Variants in XK observed in about 807,000 individuals in gnomAD.
XK encodes the protein X-linked Kx blood group antigen, Kell and VPS13A binding protein, also known as endoplasmic reticulum membrane adapter protein XK.
A neutral mutation model predicts 14.0 loss-of-function variants in XK; 2 were observed. The ratio of observed to expected loss-of-function variants is 0.14; its 90% CI spans 0.06 to 0.45. The LOEUF (loss-of-function observed/expected upper bound fraction) is 0.45. Ranked by LOEUF, XK falls within the 20% of genes least tolerant of loss-of-function variation. The pLI is 0.98. For missense variants in XK, 235 were observed against 341.5 expected, an observed-to-expected ratio of 0.69 and a Z score of 2.46; for synonymous variants, 149 against 147.5, an observed-to-expected ratio of 1.01 and a Z score of -0.08.
chrX:37,727,997 C>T lies in XK; in HGVS notation c.870C>T (p.Ile290=). 1.7e-6 allele frequency: 2 copies of T among 1,211,415 alleles called. No individual in the cohort carries two copies. The highest frequency in any genetic ancestry group is 2.2e-6 in the Non-Finnish European group (2 of 895,401). Residue 290 remains isoleucine (I), a synonymous_variant, in exon 3 of 3, where the codon ATC becomes ATT. Transcript: ENST00000378616. ...LCFLTLLYTG[I]NMFCWSAVQL... ...TTCTAACTTTACTCTATACTGGTAT[C>T]AACATGTTCTGCTGGTCTGCTGTAC... is the stretch of plus-strand genomic sequence containing the variant.
intron 2 of XK, among the ~76,000 whole-genome samples, chrX:37,706,208 G>A (rs965358229): frequency 4.5e-5 from 5 of 111,369 alleles, no homozygotes; most frequent in Non-Finnish European, 9.4e-5. Flanking sequence ...GAAGATTTGA[G>A]AATTAAGTTA....
chrX:37,708,369 G>A (rs1458803454), intron 2 of XK, among the ~76,000 whole-genome samples: 3 of 112,014 alleles, frequency 2.7e-5, no homozygotes, highest in African/African-American at 9.8e-5. Context: ...GCCAAGGAAT[G>A]CAGTTGTAGA....
intron 2 of XK, among the ~76,000 whole-genome samples, chrX:37,714,234 C>G (rs1333939744): frequency 9.0e-6 from 1 of 111,636 alleles, no homozygotes; most frequent in Non-Finnish European, 1.9e-5. Context: ...CCACCAGCCT[C>G]TGCTTGATTA....
chrX:37,701,349 T>C (rs1285790481), intron 2 of XK, among the ~76,000 whole-genome samples: 1 of 112,731 alleles, frequency 8.9e-6, no homozygotes, highest in Non-Finnish European at 1.9e-5. Flanking sequence ...TGTACTGTAC[T>C]TTTAAAAACT....
intron 2 of XK, among the ~76,000 whole-genome samples, chrX:37,722,259 C>T (rs564535599): frequency 6.3e-5 from 7 of 111,499 alleles, no homozygotes; most frequent in African/African-American, 1.9e-4. Flanking sequence ...GCATCTATCA[C>T]GTCTTCAACA....
Position 37,718,043 on chromosome X carries a change from T to C in XK, c.509-9593T>C, listed in dbSNP as rs1178328479. On this transcript the variant is annotated intron_variant, in intron 2 of 2. Coordinates refer to ENST00000378616, the MANE Select transcript of XK (RefSeq NM_021083.4). ...ACATTTATCGAGTGCCTACTAAGTA[T>C]AGTAATAGTGTACCTAGTTTTTTCA... Among the ~76,000 whole-genome samples the C allele has an allele frequency of 5.4e-5, 6 of 111,862 alleles. No homozygotes were observed. In the East Asian group the frequency reaches 1.7e-3, roughly 31 times the overall value.
intron 2 of XK, among the ~76,000 whole-genome samples, chrX:37,696,207 T>C (rs1556442425): frequency 9.8e-5 from 11 of 112,670 alleles, no homozygotes; most frequent in Non-Finnish European, 2.1e-4. Flanking sequence ...TGTCTGTGAC[T>C]GTTTTGGGAC....
At position 37,729,362 on chromosome X, in the gene XK, G is replaced by A. The variant is rs1928043360; in HGVS notation, c.*900G>A. 9.0e-6 allele frequency: 1 copy of A among 111,709 alleles called. No individual in the cohort carries two copies. The highest frequency in any genetic ancestry group is 1.9e-5 in the Non-Finnish European group (1 of 53,092). 9.2% of individuals were successfully genotyped at this position (111,709 alleles called of 1,213,427 possible). On this transcript the variant is annotated 3_prime_UTR_variant, in exon 3 of 3. Coordinates refer to ENST00000378616, the MANE Select transcript of XK (RefSeq NM_021083.4). ...CAGAAATCTCTCACCCAGTTCAGGT[G>A]TATAGGGAATTTTCATTTTCATTAT...
chrX:37,695,193 A>T (rs782630445), intron 2 of XK, among the ~76,000 whole-genome samples: 9 of 112,190 alleles, frequency 8.0e-5, no homozygotes, highest in Non-Finnish European at 1.7e-4. Context: ...TAGAAAATAC[A>T]GTTTACCAGA....
chrX:37,689,404 C>A (rs1172563540), intron 1 of XK, among the ~76,000 whole-genome samples: 6 of 112,371 alleles, frequency 5.3e-5, no homozygotes, highest in African/African-American at 1.9e-4. Flanking sequence ...AAAGGAGAGG[C>A]ATGGTGATTC....
chrX:37,694,954 G>A (rs1927281001), intron 2 of XK, among the ~76,000 whole-genome samples: 1 of 112,154 alleles, frequency 8.9e-6, no homozygotes, highest in African/African-American at 3.2e-5. Context: ...GCTTCCAAGG[G>A]TGAGTGTTCT....
In XK at chrX:37,713,432, TC is replaced by T. The variant is rs1396540702; in HGVS notation, c.509-14203del. ...TATTAGGAGTCACATGATCTCAGAT[TC>T]AAGAAGAGAAGATATAGACCCTACT... On this transcript the variant is annotated intron_variant, in intron 2 of 2. Transcript: ENST00000378616. Among the ~76,000 whole-genome samples, 4 of 111,529 alleles carry T rather than the reference TC, an allele frequency of 3.6e-5. No homozygotes were observed. The Admixed American group carries it at 3.8e-4, about 11-fold the overall frequency.
At chrX:37,705,146 C>T (rs1223516164) in intron 2 of XK, among the ~76,000 whole-genome samples, 1 of 111,374 alleles carries the variant, frequency 9.0e-6, no homozygotes, top group Non-Finnish European at 1.9e-5. Context: ...GAAGATGCTT[C>T]ATAAAACTTA....
intron 2 of XK, 58 bp downstream of exon 2, chrX:37,694,606 G>A (rs1280956835): frequency 3.4e-6 from 4 of 1,161,892 alleles, no homozygotes; most frequent in Non-Finnish European, 4.6e-6. Context: ...AGCAAAATAT[G>A]CAGTTTATTT....
intron 2 of XK, among the ~76,000 whole-genome samples, chrX:37,707,570 G>A (rs1482940131): frequency 1.8e-5 from 2 of 110,090 alleles, no homozygotes; most frequent in Middle Eastern, 4.2e-3. Flanking sequence ...CTTCTCAGAC[G>A]GGGCGGCCGG....
chrX:37,725,146 C>T (rs782000322), intron 2 of XK, among the ~76,000 whole-genome samples: 1 of 110,970 alleles, frequency 9.0e-6, no homozygotes, highest in Non-Finnish European at 1.9e-5. Flanking sequence ...ACCAGAGAAT[C>T]GAATGGTAGT....
intron 2 of XK, among the ~76,000 whole-genome samples, chrX:37,715,782 T>C (rs1927754778): frequency 9.0e-6 from 1 of 111,487 alleles, no homozygotes; most frequent in Non-Finnish European, 1.9e-5. Flanking sequence ...GTCCATATGA[T>C]TGTGTAATGG....
chrX:37,714,299 C>A (rs782765434), intron 2 of XK, among the ~76,000 whole-genome samples: 15 of 111,231 alleles, frequency 1.3e-4, no homozygotes, highest in South Asian at 3.9e-4. Context: ...GTGAAGTACT[C>A]CTTGTTAGAA....
intron 1 of XK, 110 bp from the exon 2 acceptor site, chrX:37,694,176 G>A (rs1004113204): frequency 9.9e-7 from 1 of 1,014,666 alleles, no homozygotes; most frequent in African/African-American, 1.9e-5. Flanking sequence ...CTATAGTTCA[G>A]AGTAGCCAAG....
Sources: allele counts gnomAD v4.1 joint callset (sites outside exome capture counted in the v4.1 genomes callset), GRCh38; gene constraint gnomAD v4.1.1; transcripts MANE v1.5; gene names NCBI Gene and HGNC (gene_info 2026-07-23, HGNC 2026-07-21).